Variants in TNXB observed in about 807,000 individuals in gnomAD.
TNXB encodes tenascin-X.
A neutral mutation model predicts 340.5 loss-of-function variants in TNXB; 183 were observed. The ratio of observed to expected loss-of-function variants is 0.54; its 90% CI spans 0.48 to 0.61. The LOEUF (loss-of-function observed/expected upper bound fraction) is 0.61, where lower values mean the gene tolerates loss of function less well. Among genes scored for constraint, TNXB ranks in the 20% least tolerant of loss-of-function variants. The pLI is 0.00. For synonymous variants in TNXB, 2,121 were observed against 2,314.5 expected (o/e 0.92, Z 2.40); for missense variants, 4,613 against 5,446.4 (o/e 0.85, Z 4.82).
Position 32,085,944 on chromosome 6 carries a change from G to A in TNXB, c.2954C>T (p.Pro985Leu). Residue 985 changes from proline (P) to leucine (L), a missense_variant, in exon 7 of 44, where the codon CCT becomes CTT. Physicochemically the swap from Pro to Leu is moderately conservative, Grantham distance 98 (BLOSUM62 -3). Coordinates refer to ENST00000644971, the MANE Select transcript of TNXB (RefSeq NM_001365276.2). This position sits in a 1 kb window ranked among gnomAD's most constrained non-coding sequence, Gnocchi z 6.4. ...GRLRVVWTAQ[P>L]DTFAYFQLRM... Reference sequence around the variant, plus strand: ...CAGTTGGAAGTAGGCAAAGGTGTCAGGCTGGGCGGTCCAGACCACACGGAG... The same window carrying A: ...CAGTTGGAAGTAGGCAAAGGTGTCAAGCTGGGCGGTCCAGACCACACGGAG... The A allele has an allele frequency of 6.2e-7, 1 of 1,608,468 alleles. No homozygotes were observed. Among genetic ancestry groups the A allele is most frequent in the Non-Finnish European group, 8.5e-7 (1 of 1,178,812 alleles).
chr6:32,046,428 G>T lies in TNXB; in HGVS notation c.10353C>A (p.His3451Gln). The T allele has an allele frequency of 6.3e-7, 1 of 1,576,672 alleles. No individual in the cohort carries two copies. Among genetic ancestry groups the T allele is most frequent in the Non-Finnish European group, 8.7e-7 (1 of 1,154,314 alleles). ...CCTCAGCCACGGTCAGTTCCCCCAG[G>T]TGGGGAGGTAGCTCCTTCTCCAGGG... The part of the protein sequence containing the change: ...TAPLEKELPP[H>Q]LGELTVAEET... The change falls in exon 31 of 44, where the codon CAC (histidine) becomes CAA (glutamine). Residue 3451 changes from histidine to glutamine, a missense_variant. Around this residue, in one of 7 missense-constraint regions of TNXB, gnomAD observed 4,327 missense variants for 4,859.4 expected, o/e 0.89. Transcript: ENST00000644971. This position sits in a 1 kb window ranked among gnomAD's most constrained non-coding sequence, Gnocchi z 6.9.
In TNXB at chr6:32,097,561, C is replaced by A; in HGVS notation, c.404-112G>T. On this transcript the variant is annotated intron_variant, in intron 2 of 43. Transcript: ENST00000644971. The surrounding 1 kb of genome is among the most constrained non-coding windows in gnomAD (Gnocchi z 5.9). Reference sequence around the variant, plus strand: ...GCCAGGCTAGCCTCATCTCATAAGGCCATGTCTGCTCCCAGTTGCTAGTAT... The same window carrying A: ...GCCAGGCTAGCCTCATCTCATAAGGACATGTCTGCTCCCAGTTGCTAGTAT... 1 of 1,333,400 alleles carries A rather than the reference C, an allele frequency of 7.5e-7. No individual in the cohort carries two copies. Among genetic ancestry groups the A allele is most frequent in the Non-Finnish European group, 1.0e-6 (1 of 991,070 alleles). The allele number at this position is 1,333,400 out of a possible 1,614,324, so 82.6% of individuals were successfully genotyped here.
rs377135340 is a variant in TNXB, at chr6:32,073,915, G to A, written c.4413C>T (p.Ser1471=). The A allele has an allele frequency of 1.4e-5, 22 of 1,604,668 alleles. No individual in the cohort carries two copies. Among genetic ancestry groups the A allele is most frequent in the East Asian group, 6.7e-5 (3 of 44,784 alleles). ...GCTCTCCTAGGCGTGGCTCCAGCGG[G>A]GACTCAGTGGCTGGAGGGGTCTCTT... ...QQEETPPATE[S]PLEPRLGELT... The change falls in exon 12 of 44, where the codon TCC becomes TCT. Residue 1471 remains serine (S), a synonymous_variant. Transcript: ENST00000644971. The surrounding 1 kb of genome is among the most constrained non-coding windows in gnomAD (Gnocchi z 4.6).
intron 23 of TNXB, 54 bp downstream of exon 23, chr6:32,056,532 C>A: frequency 6.3e-7 from 1 of 1,591,498 alleles, no homozygotes. Flanking sequence ...CACCAAAGAG[C>A]AAGAGGGTGA....
chr6:32,061,373 C>T lies in TNXB; in HGVS notation c.7492+24G>A, dbSNP rs1244993384. The T allele has an allele frequency of 6.2e-7, 1 of 1,604,426 alleles. No individual in the cohort carries two copies. Among genetic ancestry groups the T allele is most frequent in the Non-Finnish European group, 8.5e-7 (1 of 1,174,216 alleles). ...GTACCCATGAGGGAAAGGTGGTTAC[C>T]CCGAGACTCCAAGCACTACTCACCA... On this transcript the variant is annotated intron_variant, in intron 21 of 43. Coordinates refer to ENST00000644971, the MANE Select transcript of TNXB (RefSeq NM_001365276.2). The surrounding 1 kb of genome is among the most constrained non-coding windows in gnomAD (Gnocchi z 4.4).
chr6:32,042,584 G>A lies in TNXB; in HGVS notation c.12081C>T (p.Pro4027=), dbSNP rs1209749846. The change falls in exon 40 of 44, where the codon CCC becomes CCT. Residue 4027 remains proline (P), a synonymous_variant. Coordinates refer to ENST00000644971, the MANE Select transcript of TNXB (RefSeq NM_001365276.2). The part of the protein sequence containing the change: ...FTTGGLRIPF[P]RDCGEEMQNG... ...TCTGCATCTCCTCCCCGCAGTCCCT[G>A]GGGAAGGGGATCCGCAGCCCACCTG... 15 of 1,588,084 alleles carry A rather than the reference G, an allele frequency of 9.4e-6. No individual in the cohort carries two copies. The highest frequency in any genetic ancestry group is 1.4e-5 in the African/African-American group (1 of 73,960).
Position 32,047,936 on chromosome 6 carries a change from C to T in TNXB, c.10122G>A (p.Ser3374=), listed in dbSNP as rs779983804. Residue 3374 remains serine, a synonymous_variant, in exon 30 of 44, where the codon TCG becomes TCA. Transcript: ENST00000644971. This position sits in a 1 kb window ranked among gnomAD's most constrained non-coding sequence, Gnocchi z 6.2. The part of the protein sequence containing the change: ...TDATPDSVGL[S]WTVPEGEFDS... ...CGAATTCGCCCTCAGGGACCGTCCA[C>T]GAGAGGCCCACGGAGTCAGGGGTCG... 2.2e-5 allele frequency: 35 copies of T among 1,612,312 alleles called. No homozygotes were observed. Among genetic ancestry groups the T allele is most frequent in the Admixed American group, 1.3e-4 (8 of 59,996 alleles).
Position 32,053,713 on chromosome 6 carries a change from T to G in TNXB, c.8468-2A>C, listed in dbSNP as rs762566287. 2.8e-5 allele frequency: 45 copies of G among 1,610,218 alleles called. No individual in the cohort carries two copies. Among genetic ancestry groups the G allele is most frequent in the Non-Finnish European group, 3.7e-5 (44 of 1,177,634 alleles). On this transcript the variant is annotated splice_acceptor_variant, in intron 24 of 43. Transcript: ENST00000644971. LOFTEE classifies it high-confidence loss of function. Reference sequence around the variant, plus strand: ...TGGTCTCTGCTTCATCCTCTGGAGCTGGACAGACACGTGTGGGGAGAGTGA... The same window carrying G: ...TGGTCTCTGCTTCATCCTCTGGAGCGGGACAGACACGTGTGGGGAGAGTGA...
Position 32,061,599 on chromosome 6 carries a change from G to T in TNXB, c.7290C>A (p.Ser2430=). ...TGSSPDSLSL[S]WTVPQGRFDS... ...CGAAGCGGCCCTGGGGGACGGTCCA[G>T]GAGAGGCTCAGCGAGTCAGGGGAGG... The change falls in exon 21 of 44, where the codon TCC becomes TCA. Residue 2430 remains serine (S), a synonymous_variant. Coordinates refer to ENST00000644971, the MANE Select transcript of TNXB (RefSeq NM_001365276.2). The surrounding 1 kb of genome is among the most constrained non-coding windows in gnomAD (Gnocchi z 4.4). The T allele has an allele frequency of 2.5e-6, 4 of 1,613,206 alleles. No individual in the cohort carries two copies. Among genetic ancestry groups the T allele is most frequent in the Non-Finnish European group, 3.4e-6 (4 of 1,179,876 alleles).
Position 32,053,651 on chromosome 6 carries a change from T to C in TNXB, c.8528A>G (p.Asn2843Ser). 6 of 1,613,248 alleles carry C rather than the reference T, an allele frequency of 3.7e-6. No homozygotes were observed. Among genetic ancestry groups the C allele is most frequent in the Non-Finnish European group, 4.2e-6 (5 of 1,179,782 alleles). The change falls in exon 25 of 44, where the codon AAC becomes AGC. Residue 2843 changes from asparagine to serine, a missense_variant. Physicochemically the swap from Asn to Ser is conservative, Grantham distance 46. Transcript: ENST00000644971. ...GGTCAGCTCCCCGAGGCGAGGCTTG[T>C]TGGGGGGCTCAGGGGTTGTGGTGGG... ...AVPTTTPEPP[N>S]KPRLGELTVT...
In TNXB at chr6:32,050,016, A is replaced by T. The variant is rs200416489; in HGVS notation, c.9421T>A (p.Ser3141Thr). ...CACTCACCCGTCACCCCAATGGCAG[A>T]CACAGGGCCTACGCGCTGGCCACCG... ...FHGGQRVGPV[S>T]AIGVTEEETP... is the part of the protein sequence containing the mutation. The change falls in exon 27 of 44, where the codon TCT (serine) becomes ACT (threonine). Residue 3141 changes from serine (S) to threonine (T), a missense_variant. Transcript: ENST00000644971. 114 of 1,613,718 alleles carry T rather than the reference A, an allele frequency of 7.1e-5. No individual in the cohort carries two copies. The African/African-American group carries it at 1.4e-3, about 20-fold the overall frequency.
rs1017256466 is a variant in TNXB at position 32,085,155 on chromosome 6, TG to T, written c.3149-447del. Among the ~76,000 whole-genome samples, 1 of 152,042 alleles carries T rather than the reference TG, an allele frequency of 6.6e-6. No homozygotes were observed. The highest frequency in any genetic ancestry group is 1.5e-5 in the Non-Finnish European group (1 of 67,978). ...CACAGAGAGGAACAAAGAGGGGATG[TG>T]AAAGCCAGGTACCCCAGGACCTGTC... On this transcript the variant is annotated intron_variant, in intron 7 of 43. Coordinates refer to ENST00000644971, the MANE Select transcript of TNXB (RefSeq NM_001365276.2). The surrounding 1 kb of genome is among the most constrained non-coding windows in gnomAD (Gnocchi z 6.4).
Position 32,070,070 on chromosome 6 carries a change from C to G in TNXB, c.5278+57G>C. On this transcript the variant is annotated intron_variant, in intron 14 of 43. Coordinates refer to ENST00000644971, the MANE Select transcript of TNXB (RefSeq NM_001365276.2). This position sits in a 1 kb window ranked among gnomAD's most constrained non-coding sequence, Gnocchi z 6.0. Reference sequence around the variant, plus strand: ...GGTAATGGCAGCCACCACAAGTGACCGTCTGCTGCTTGGCCTGAGGGGAGC... The same window carrying G: ...GGTAATGGCAGCCACCACAAGTGACGGTCTGCTGCTTGGCCTGAGGGGAGC... 1 of 1,479,090 alleles carries G rather than the reference C, an allele frequency of 6.8e-7. No homozygotes were observed. Among genetic ancestry groups the G allele is most frequent in the South Asian group, 1.4e-5 (1 of 70,556 alleles). The allele number at this position is 1,479,090 out of a possible 1,614,324, so 91.6% of individuals were successfully genotyped here.
In TNXB at chr6:32,096,182, G is replaced by A. The variant is rs367731133; in HGVS notation, c.1671C>T (p.Arg557=). 1.2e-4 allele frequency: 185 copies of A among 1,569,122 alleles called. 1 individual carries two copies. In the East Asian group the frequency reaches 2.8e-3, roughly 24 times the overall value. The change falls in exon 3 of 44, where the codon CGC becomes CGT. Residue 557 remains arginine, a synonymous_variant. Coordinates refer to ENST00000644971, the MANE Select transcript of TNXB (RefSeq NM_001365276.2). ...GGCCTCGGCAGCCCCCGGGGCAGCT[G>A]CGCGTGCTGCAGTCTTCCCCTGAGT... ...AGYSGEDCST[R]SCPGGCRGRG... is the part of the protein sequence containing the mutation.
rs1389739044 is a variant in TNXB, at chr6:32,085,190, G to A, written c.3149-481C>T. On this transcript the variant is annotated intron_variant, in intron 7 of 43. Coordinates refer to ENST00000644971, the MANE Select transcript of TNXB (RefSeq NM_001365276.2). The surrounding 1 kb of genome is among the most constrained non-coding windows in gnomAD (Gnocchi z 6.4). ...GTACCCCAGGACCTGTCTTTCACTGGTCCTGCAAACCTCATCCATGTCTGA... is the reference window on the plus strand; with the variant it reads ...GTACCCCAGGACCTGTCTTTCACTGATCCTGCAAACCTCATCCATGTCTGA... Among the ~76,000 whole-genome samples the A allele has an allele frequency of 1.3e-5, 2 of 152,082 alleles. No homozygotes were observed. The highest frequency in any genetic ancestry group is 4.8e-5 in the African/African-American group (2 of 41,382).
intron 28 of TNXB, 69 bp from the exon 29 acceptor site, chr6:32,048,719 A>C (rs973715562): frequency 1.5e-6 from 2 of 1,336,374 alleles, no homozygotes; most frequent in Non-Finnish European, 1.9e-6. Flanking sequence ...GTGCTCTCCC[A>C]GGACTGGAGT....
Position 32,070,333 on chromosome 6 carries a change from C to T in TNXB, c.5072G>A (p.Arg1691His), listed in dbSNP as rs1442622305. The change falls in exon 14 of 44, where the codon CGC becomes CAC. Residue 1691 changes from arginine (R) to histidine (H), a missense_variant. By Grantham distance (29) the Arg-to-His change is conservative. Transcript: ENST00000644971. This position sits in a 1 kb window ranked among gnomAD's most constrained non-coding sequence, Gnocchi z 6.0. ...WVTDPTPDSLRLSWTVPEGQF... is the reference protein window; with the variant it reads ...WVTDPTPDSLHLSWTVPEGQF... ...GCCCTCAGGAACCGTCCAGGAGAGG[C>T]GCAGTGAGTCTGGGGTGGGGTCTGT... 15 of 1,610,570 alleles carry T rather than the reference C, an allele frequency of 9.3e-6. No individual in the cohort carries two copies. The highest frequency in any genetic ancestry group is 1.3e-5 in the African/African-American group (1 of 74,892).
chr6:32,099,726 GA>G (rs72548029), intron 1 of TNXB, among the ~76,000 whole-genome samples: 17,643 of 126,684 alleles, frequency 0.14, 1,159 homozygotes, highest in East Asian at 0.25. Context: ...ATCTCCAATT[GA>G]AAAAAAAAAA....
Position 32,079,068 on chromosome 6 carries a change from T to C in TNXB, c.4340A>G (p.Gln1447Arg), listed in dbSNP as rs372769933. 9.3e-6 allele frequency: 15 copies of C among 1,613,238 alleles called. No individual in the cohort carries two copies. The African/African-American group carries it at 1.7e-4, about 19-fold the overall frequency. Reference protein sequence around the residue: ...KMHLYGLHEGQRVGPVSAVGV... With the variant: ...KMHLYGLHEGRRVGPVSAVGV... ...CACGGCGGACACCGGGCCCACGCGC[T>C]GCCCCTCGTGGAGGCCGTACAGGTG... Residue 1447 changes from glutamine to arginine, a missense_variant, in exon 11 of 44, where the codon CAG becomes CGG. Gln to Arg is a conservative substitution (Grantham distance 43, BLOSUM62 1). Coordinates refer to ENST00000644971, the MANE Select transcript of TNXB (RefSeq NM_001365276.2). The surrounding 1 kb of genome is among the most constrained non-coding windows in gnomAD (Gnocchi z 7.1).
Sources: gnomAD v4.1 joint callset for allele counts (sites outside exome capture counted in the v4.1 genomes callset) on GRCh38, gnomAD v4.1.1 for gene constraint, gnomAD v4.1.1 regional missense constraint, Gnocchi (gnomAD v3.1) non-coding constraint, MANE v1.5 for transcripts, NCBI Gene and HGNC (gene_info 2026-07-23, HGNC 2026-07-21) for gene names.